Variants in OGFOD3 observed in about 807,000 individuals in gnomAD.
OGFOD3 encodes the protein 2-oxoglutarate and iron-dependent oxygenase domain-containing protein 3.
Under a neutral mutation model 39.8 loss-of-function variants are expected in OGFOD3, and 35 were observed. The ratio of observed to expected loss-of-function variants is 0.88; its 90% CI spans 0.67 to 1.17. The LOEUF is 1.17. Ranked by LOEUF, OGFOD3 falls within the 50% of genes most tolerant of loss-of-function variation. The pLI, the probability that OGFOD3 is intolerant of heterozygous loss-of-function variation, is 0.00. For synonymous variants in OGFOD3, 200 were observed against 192.0 expected (o/e 1.04, Z -0.34); for missense variants, 438 against 454.5 (o/e 0.96, Z 0.33).
At position 82,404,741 on chromosome 17, in the gene OGFOD3, C is replaced by CTTTTTTTTTT. The variant is rs869251737; in HGVS notation, c.545+573_545+582dup. On this transcript the variant is annotated intron_variant, in intron 6 of 8. Transcript: ENST00000313056. This position sits in a 1 kb window ranked among gnomAD's most constrained non-coding sequence, Gnocchi z 4.5. ...CCAGCAGAATTTTTTCTTTTCTTTT[C>CTTTTTTTTTT]TTTTTTTTTTTTTTTTTTGAGATGA... Among the ~76,000 whole-genome samples the CTTTTTTTTTT allele has an allele frequency of 5.3e-5, 7 of 133,176 alleles. No homozygotes were observed. The highest frequency in any genetic ancestry group is 8.1e-5 in the Non-Finnish European group (5 of 61,760). The allele number at this position is 133,176 out of a possible 152,430, so 87.4% of individuals were successfully genotyped here.
chr17:82,402,727 T>A (rs1324949038), intron 7 of OGFOD3, among the ~76,000 whole-genome samples: 5 of 143,432 alleles, frequency 3.5e-5, no homozygotes, highest in African/African-American at 1.0e-4. Flanking sequence ...AGCCTGGGCA[T>A]CAAGAGTGAA....
intron 8 of OGFOD3, among the ~76,000 whole-genome samples, chr17:82,396,296 TAGAC>T (rs1452018290): frequency 1.1e-5 from 1 of 93,484 alleles, no homozygotes; most frequent in African/African-American, 3.2e-5. Context: ...TACACACAAT[TAGAC>T]AGATGTACGA....
intron 4 of OGFOD3, among the ~76,000 whole-genome samples, chr17:82,407,356 C>T (rs753461101): frequency 6.6e-6 from 1 of 152,194 alleles, no homozygotes; most frequent in Non-Finnish European, 1.5e-5. Flanking sequence ...TAGTCTGGAG[C>T]CATCTCCGTG....
chr17:82,413,160 C>T (rs2052980099), intron 2 of OGFOD3, among the ~76,000 whole-genome samples: 2 of 152,202 alleles, frequency 1.3e-5, no homozygotes, highest in Non-Finnish European at 2.9e-5. Context: ...GTTTACCCCA[C>T]AAAACGCGAG....
chr17:82,409,844 G>A (rs1481633558), intron 3 of OGFOD3, among the ~76,000 whole-genome samples: 4 of 152,148 alleles, frequency 2.6e-5, no homozygotes, highest in African/African-American at 7.2e-5. Flanking sequence ...GCAGTGAGCC[G>A]AGATCGCGCC....
intron 8 of OGFOD3, chr17:82,396,912 A>C (rs989271873): frequency 2.6e-5 from 4 of 152,286 alleles, no homozygotes; most frequent in Non-Finnish European, 5.9e-5. Context: ...AATCCACGCC[A>C]GGGGAGACTG....
In OGFOD3 at chr17:82,392,368, CT is replaced by C; in HGVS notation, c.*29del. On this transcript the variant is annotated 3_prime_UTR_variant, in exon 9 of 9. Transcript: ENST00000313056. This position sits in a 1 kb window ranked among gnomAD's most constrained non-coding sequence, Gnocchi z 4.2. ...TGGCGCGGCTGCCTCCACACGGGCC[CT>C]CCTGAAGTTACCTTGGCCCGGCTGC... The C allele has an allele frequency of 6.2e-7, 1 of 1,601,164 alleles. No individual in the cohort carries two copies. Among genetic ancestry groups the C allele is most frequent in the Non-Finnish European group, 8.5e-7 (1 of 1,175,414 alleles).
intron 8 of OGFOD3, chr17:82,394,428 C>T (rs779487314): frequency 1.1e-5 from 17 of 1,613,188 alleles, no homozygotes; most frequent in Middle Eastern, 1.6e-4. Context: ...CCCTCTCGGG[C>T]GGGTGGTGAG....
At chr17:82,393,989 C>CT (rs1300659779) in intron 8 of OGFOD3, 1,378 of 127,390 alleles carry the variant, frequency 0.011, 22 homozygotes, top group African/African-American at 0.029. Flanking sequence ...CAGAAAAGGA[C>CT]TTTTTTTTTT....
At position 82,405,390 on chromosome 17, in the gene OGFOD3, A is replaced by C. The variant is rs71375101; in HGVS notation, c.489-10T>G. The C allele has an allele frequency of 1.6e-5, 25 of 1,611,638 alleles. No homozygotes were observed. The African/African-American group carries it at 3.2e-4, about 21-fold the overall frequency. On this transcript the variant is annotated splice_polypyrimidine_tract_variant and intron_variant, in intron 5 of 8. Transcript: ENST00000313056. ...TTTATCCCCGAAGTATCTGTGAAAA[A>C]AGGAGTATTCACAAAGGTCACAACA...
At chr17:82,405,235 G>A (rs1459096251) in intron 6 of OGFOD3, 89 bp downstream of exon 6, 2 of 1,164,262 alleles carry the variant, frequency 1.7e-6, no homozygotes, top group Non-Finnish European at 2.6e-6. Context: ...GCCTCTCCGT[G>A]GGGCCTCCCC....
At chr17:82,407,564 C>T (rs988378991) in intron 4 of OGFOD3, among the ~76,000 whole-genome samples, 1 of 152,358 alleles carries the variant, frequency 6.6e-6, no homozygotes, top group Middle Eastern at 3.4e-3. Flanking sequence ...TCAGTCCTTC[C>T]CTACGTCCTC....
chr17:82,410,361 C>T (rs1474705423), intron 3 of OGFOD3, among the ~76,000 whole-genome samples: 2 of 152,240 alleles, frequency 1.3e-5, no homozygotes, highest in African/African-American at 4.8e-5. Flanking sequence ...ACATGCTTAT[C>T]GTCTCAACAA....
chr17:82,413,890 A>AAAAAG (rs1440152998), intron 2 of OGFOD3, among the ~76,000 whole-genome samples: 18 of 151,520 alleles, frequency 1.2e-4, no homozygotes, highest in Non-Finnish European at 2.1e-4. Flanking sequence ...AAAAAAAAAA[A>AAAAAG]AAGAAGAAAG....
intron 2 of OGFOD3, among the ~76,000 whole-genome samples, chr17:82,413,748 G>A (rs2052990067): frequency 6.6e-6 from 1 of 151,866 alleles, no homozygotes; most frequent in African/African-American, 2.4e-5. Context: ...GCAGGTGCCT[G>A]TAGTCCCAGC....
chr17:82,403,697 A>T (rs2052801992), intron 7 of OGFOD3, among the ~76,000 whole-genome samples: 1 of 152,224 alleles, frequency 6.6e-6, no homozygotes, highest in East Asian at 1.9e-4. Flanking sequence ...TGTGGTAGGT[A>T]GCCCCAGGCC....
chr17:82,404,741 C>CTTTTTT lies in OGFOD3; in HGVS notation c.545+577_545+582dup, dbSNP rs869251737. Among the ~76,000 whole-genome samples, 11 of 133,174 alleles carry CTTTTTT rather than the reference C, an allele frequency of 8.3e-5. No homozygotes were observed. The highest frequency in any genetic ancestry group is 2.1e-4 in the East Asian group (1 of 4,734). 87.4% of individuals were successfully genotyped at this position (133,174 alleles called of 152,430 possible). On this transcript the variant is annotated intron_variant, in intron 6 of 8. Coordinates refer to ENST00000313056, the MANE Select transcript of OGFOD3 (RefSeq NM_024648.3). The surrounding 1 kb of genome is among the most constrained non-coding windows in gnomAD (Gnocchi z 4.5). ...CCAGCAGAATTTTTTCTTTTCTTTT[C>CTTTTTT]TTTTTTTTTTTTTTTTTTGAGATGA...
In OGFOD3 at chr17:82,394,191, C is replaced by T. The variant is rs551960280; in HGVS notation, c.824-1657G>A. 642 of 538,506 alleles carry T rather than the reference C, an allele frequency of 1.2e-3. 9 individuals are homozygous for T. The highest frequency in any genetic ancestry group is 0.011 in the Middle Eastern group (25 of 2,294). 33.4% of individuals were successfully genotyped at this position (538,506 alleles called of 1,614,324 possible). The stretch of plus-strand genomic sequence containing the variant: ...ACTTTTAGTAGAGATGTAGTTTCAC[C>T]GTGTTAGCCAGGATGGTCTCGATCT... On this transcript the variant is annotated intron_variant, in intron 8 of 8. Coordinates refer to ENST00000313056, the MANE Select transcript of OGFOD3 (RefSeq NM_024648.3).
At chr17:82,414,653 G>A (rs1375858942) in intron 2 of OGFOD3, among the ~76,000 whole-genome samples, 3 of 152,184 alleles carry the variant, frequency 2.0e-5, no homozygotes, top group African/African-American at 7.2e-5. Flanking sequence ...CTGGGACCAC[G>A]TTCACGTGCG....
Sources: gnomAD v4.1 joint callset for allele counts (sites outside exome capture counted in the v4.1 genomes callset) on GRCh38, gnomAD v4.1.1 for gene constraint, Gnocchi (gnomAD v3.1) non-coding constraint, MANE v1.5 for transcripts, NCBI Gene and HGNC (gene_info 2026-07-23, HGNC 2026-07-21) for gene names.